The following CACNA1B variants were observed in gnomAD, a reference collection of about 807,000 sequenced individuals.
The protein encoded by CACNA1B is calcium voltage-gated channel subunit alpha1 B, also known as voltage-dependent N-type calcium channel subunit alpha-1B.
A neutral mutation model predicts 247.2 loss-of-function variants in CACNA1B; 70 were observed. The observed-to-expected ratio is 0.28, with a 90% CI of 0.23 to 0.35. The LOEUF (loss-of-function observed/expected upper bound fraction) is 0.35, where lower values mean the gene tolerates loss of function less well. CACNA1B is among the 10% of genes least tolerant of loss of function. The pLI is 1.00. For missense variants in CACNA1B, 2,367 were observed against 3,197.4 expected (o/e 0.74, Z 6.26); for synonymous variants, 1,231 against 1,294.4 (o/e 0.95, Z 1.05).
At chr9:138,046,877 TGTG>T (rs769468201) in intron 21 of CACNA1B, 24 bp from the exon 22 acceptor site, 51 of 1,607,380 alleles carry the variant, frequency 3.2e-5, no homozygotes, top group Non-Finnish European at 4.2e-5. Context: ...TGGGGGGCCT[TGTG>T]GTGATCCGTG....
chr9:137,879,509 G>T (rs923907953), intron 2 of CACNA1B, among the ~76,000 whole-genome samples: 4 of 152,214 alleles, frequency 2.6e-5, no homozygotes, highest in African/African-American at 9.7e-5. Flanking sequence ...CTTCGGGAAG[G>T]TCAGCTCTGA....
intron 6 of CACNA1B, among the ~76,000 whole-genome samples, chr9:137,945,855 A>G (rs941048746): frequency 8.5e-5 from 13 of 152,102 alleles, no homozygotes; most frequent in African/African-American, 2.2e-4. Flanking sequence ...TATTATTATC[A>G]TATTCCAGGC....
chr9:137,967,453 G>T (rs1443770459), intron 10 of CACNA1B, among the ~76,000 whole-genome samples: 1 of 152,132 alleles, frequency 6.6e-6, no homozygotes, highest in Non-Finnish European at 1.5e-5. Context: ...CCCGTGGCCC[G>T]CTCTCAGAGC....
intron 15 of CACNA1B, among the ~76,000 whole-genome samples, chr9:137,992,964 T>C (rs117240434): frequency 0.013 from 1,948 of 152,172 alleles, 16 homozygotes; most frequent in Non-Finnish European, 0.023. Flanking sequence ...AAGATGCAAA[T>C]TTAAAAAAAT....
Position 137,914,587 on chromosome 9 carries a change from GC to G in CACNA1B, c.623-62del. The G allele has an allele frequency of 7.2e-7, 1 of 1,380,106 alleles. No individual in the cohort carries two copies. The allele number at this position is 1,380,106 out of a possible 1,614,324, so 85.5% of individuals were successfully genotyped here. A position where few individuals can be genotyped will look rare whatever the true frequency, so the allele number is the denominator to read the frequency against. On this transcript the variant is annotated intron_variant, in intron 4 of 46. Coordinates refer to ENST00000371372, the MANE Select transcript of CACNA1B (RefSeq NM_000718.4). This position sits in a 1 kb window ranked among gnomAD's most constrained non-coding sequence, Gnocchi z 4.3. ...GCTAGGTTCCTGCTGTTCTGTCCCT[GC>G]CCCCACCAAATTCCTTGCCCTACCC...
chr9:137,901,348 CGTGTGTCTGTGTCTATGCCTGCGTGTCT>C (rs1189194007), intron 3 of CACNA1B, among the ~76,000 whole-genome samples: 2 of 151,110 alleles, frequency 1.3e-5, no homozygotes, highest in African/African-American at 2.4e-5. Flanking sequence ...TTCCTGTGTC[CGTGTGTCTGTGTCTATGCCTGCGTGTCT>C]GTGTGTCCCT....
intron 6 of CACNA1B, among the ~76,000 whole-genome samples, chr9:137,935,920 G>T (rs1009262492): frequency 4.6e-5 from 7 of 152,146 alleles, no homozygotes; most frequent in African/African-American, 1.7e-4. Flanking sequence ...GCAGTGGCAC[G>T]ATCTCGGCTC....
At position 138,122,161 on chromosome 9, in the gene CACNA1B, C is replaced by T. The variant is rs184237203; in HGVS notation, c.*162C>T. On this transcript the variant is annotated 3_prime_UTR_variant, in exon 47 of 47. Transcript: ENST00000371372. ...CCCTCCTCCCCTCTTTTACTCTAGA[C>T]GACGAATAAAGCCCTGTTAGAGGAT... is the stretch of plus-strand genomic sequence containing the variant. 8.1e-5 allele frequency: 51 copies of T among 629,930 alleles called. 1 individual carries two copies. The highest frequency in any genetic ancestry group is 2.7e-4 in the East Asian group (10 of 36,396). 39.0% of individuals were successfully genotyped at this position (629,930 alleles called of 1,614,324 possible).
intron 3 of CACNA1B, among the ~76,000 whole-genome samples, chr9:137,901,840 C>T (rs1432104727): frequency 4.0e-5 from 6 of 151,864 alleles, no homozygotes; most frequent in Admixed American, 6.6e-5. Context: ...CAGGCACCCA[C>T]GACTACACCT....
intron 15 of CACNA1B, among the ~76,000 whole-genome samples, chr9:138,002,018 A>G (rs748383502): frequency 4.6e-5 from 7 of 152,332 alleles, no homozygotes; most frequent in Non-Finnish European, 8.8e-5. Flanking sequence ...CCAAATTCCA[A>G]TGGGACTGTT....
chr9:137,995,543 C>G (rs1276644049), intron 15 of CACNA1B, among the ~76,000 whole-genome samples: 3 of 152,122 alleles, frequency 2.0e-5, no homozygotes, highest in Non-Finnish European at 4.4e-5. Context: ...TCAAGATGGT[C>G]AAAGACTTAA....
intron 31 of CACNA1B, among the ~76,000 whole-genome samples, chr9:138,061,852 C>G (rs1486043793): frequency 1.3e-5 from 2 of 152,202 alleles, no homozygotes; most frequent in African/African-American, 4.8e-5. Flanking sequence ...AGATGGAAGC[C>G]CAGTGTTGCT....
At chr9:138,047,258 C>A in intron 22 of CACNA1B, 141 bp from the exon 23 acceptor site, 1 of 740,094 alleles carries the variant, frequency 1.4e-6, no homozygotes. Flanking sequence ...CAGAGACCCC[C>A]TTCCCAGAAC....
rs148859007 is a variant in CACNA1B at position 137,996,177 on chromosome 9, A to C, written c.1974+9323A>C. Among the ~76,000 whole-genome samples the C allele has an allele frequency of 7.4e-4, 113 of 152,370 alleles. 1 individual carries two copies. The East Asian group carries it at 0.02, about 28-fold the overall frequency. ...TCTAGATATCTACTCAGAGGAAAAG[A>C]AGTCATTATATGAAAAAGGATACTT... On this transcript the variant is annotated intron_variant, in intron 15 of 46. Coordinates refer to ENST00000371372, the MANE Select transcript of CACNA1B (RefSeq NM_000718.4).
Position 138,054,955 on chromosome 9 carries a change from G to C in CACNA1B, c.3968+949G>C, listed in dbSNP as rs1959439525. On this transcript the variant is annotated intron_variant, in intron 26 of 46. Transcript: ENST00000371372. This position sits in a 1 kb window ranked among gnomAD's most constrained non-coding sequence, Gnocchi z 4.6. The stretch of plus-strand genomic sequence containing the variant: ...TGTTCTTTTCTGGAAGTGTCTGCCT[G>C]TGGTCCTGTGTCTGCTGTCTGCCTC... 6.6e-6 allele frequency among the ~76,000 whole-genome samples: 1 copy of C among 152,148 alleles called. No individual in the cohort carries two copies. The highest frequency in any genetic ancestry group is 6.5e-5 in the Admixed American group (1 of 15,282).
chr9:138,043,477 G>T (rs1959154133), intron 20 of CACNA1B, among the ~76,000 whole-genome samples: 1 of 152,168 alleles, frequency 6.6e-6, no homozygotes, highest in South Asian at 2.1e-4. Context: ...GCGCATCGAG[G>T]CCCCTCAGCG....
chr9:137,976,152 CAGTG>C (rs1461265710), intron 12 of CACNA1B, 133 bp downstream of exon 12: 1 of 635,884 alleles, frequency 1.6e-6, no homozygotes, highest in African/African-American at 1.8e-5. Context: ...TGCCTGAAGA[CAGTG>C]AGGAGCAGGG....
chr9:138,073,733 G>A lies in CACNA1B; in HGVS notation c.4791+129G>A. On this transcript the variant is annotated intron_variant, in intron 33 of 46. Coordinates refer to ENST00000371372, the MANE Select transcript of CACNA1B (RefSeq NM_000718.4). This position sits in a 1 kb window ranked among gnomAD's most constrained non-coding sequence, Gnocchi z 6.4. Reference sequence around the variant, plus strand: ...TGGCATGCAGGTTTCGTGGTTGTATGCATTGTCCTGTTGTCATTTATAAAG... The same window carrying A: ...TGGCATGCAGGTTTCGTGGTTGTATACATTGTCCTGTTGTCATTTATAAAG... 2 of 672,644 alleles carry A rather than the reference G, an allele frequency of 3.0e-6. No homozygotes were observed. The highest frequency in any genetic ancestry group is 5.3e-6 in the Non-Finnish European group (2 of 375,628). The allele number at this position is 672,644 out of a possible 1,614,324, so 41.7% of individuals were successfully genotyped here.
At chr9:137,963,642 C>T (rs1198945609) in intron 10 of CACNA1B, among the ~76,000 whole-genome samples, 1 of 152,214 alleles carries the variant, frequency 6.6e-6, no homozygotes, top group Non-Finnish European at 1.5e-5. Context: ...AATGATCTGC[C>T]TGCCTCGGCC....
Sources: gnomAD v4.1 joint callset for allele counts (sites outside exome capture counted in the v4.1 genomes callset) on GRCh38, gnomAD v4.1.1 for gene constraint, Gnocchi (gnomAD v3.1) non-coding constraint, MANE v1.5 for transcripts, NCBI Gene and HGNC (gene_info 2026-07-23, HGNC 2026-07-21) for gene names.